ASIC2: variants seen among roughly 807,000 people sequenced by gnomAD.
ASIC2 encodes the protein acid sensing ion channel subunit 2.
A neutral mutation model predicts 57.3 loss-of-function variants in ASIC2; 25 were observed. That is an observed-to-expected ratio of 0.44 (90% CI 0.32 to 0.61). The LOEUF is 0.61. Ranked by LOEUF, ASIC2 falls within the 20% of genes least tolerant of loss-of-function variation. ASIC2 has a pLI of 0.06. For missense variants in ASIC2, 641 were observed against 738.1 expected, an observed-to-expected ratio of 0.87 and a Z score of 1.52; for synonymous variants, 319 against 307.5, an observed-to-expected ratio of 1.04 and a Z score of -0.39.
intron 1 of ASIC2, among the ~76,000 whole-genome samples, chr17:33,723,509 A>T (rs907858720): frequency 1.7e-4 from 26 of 151,958 alleles, no homozygotes; most frequent in Non-Finnish European, 3.1e-4. Flanking sequence ...TTGCATTTCT[A>T]TTAGAGATAT....
chr17:33,580,493 C>T (rs1904397634), intron 1 of ASIC2, among the ~76,000 whole-genome samples: 1 of 151,968 alleles, frequency 6.6e-6, no homozygotes, highest in African/African-American at 2.4e-5. Flanking sequence ...GTCCCCAGGG[C>T]CCACACTAGG....
intron 1 of ASIC2, among the ~76,000 whole-genome samples, chr17:33,939,387 G>A (rs1056726877): frequency 6.6e-6 from 1 of 152,188 alleles, no homozygotes; most frequent in African/African-American, 2.4e-5. Flanking sequence ...TCTAGGCCTG[G>A]TGATTTTTCT....
At position 33,576,499 on chromosome 17, in the gene ASIC2, G is replaced by T. The variant is rs187978755; in HGVS notation, c.556-464432C>A. 3.0e-3 allele frequency among the ~76,000 whole-genome samples: 452 copies of T among 152,294 alleles called. 1 individual carries two copies. Among genetic ancestry groups the T allele is most frequent in the African/African-American group, 9.6e-3 (397 of 41,560 alleles). ...TTCTTAATTTATGGCAGAAAAATCA[G>T]AACAGCATAGATAGTACAAGTTCTA... On this transcript the variant is annotated intron_variant, in intron 1 of 9. Transcript: ENST00000359872.
chr17:33,958,265 G>C (rs1402163058), intron 1 of ASIC2, among the ~76,000 whole-genome samples: 1 of 152,158 alleles, frequency 6.6e-6, no homozygotes, highest in Non-Finnish European at 1.5e-5. Context: ...GGGGTCTGGG[G>C]TCTGGAGGAT....
At chr17:33,311,751 C>T (rs1302921448) in intron 1 of ASIC2, among the ~76,000 whole-genome samples, 1 of 152,168 alleles carries the variant, frequency 6.6e-6, no homozygotes, top group African/African-American at 2.4e-5. Context: ...GAGACTCTTC[C>T]TTGCCATCAG....
chr17:33,943,925 G>A (rs758630289), intron 1 of ASIC2, among the ~76,000 whole-genome samples: 2 of 152,000 alleles, frequency 1.3e-5, no homozygotes, highest in Non-Finnish European at 2.9e-5. Context: ...GGAGTGTTTT[G>A]TTTCCTTGTA....
At chr17:33,157,488 C>G (rs751992175) in intron 1 of ASIC2, among the ~76,000 whole-genome samples, 1 of 152,162 alleles carries the variant, frequency 6.6e-6, no homozygotes, top group Non-Finnish European at 1.5e-5. Flanking sequence ...GTACATGTGG[C>G]CTTCCTTACA....
At chr17:33,437,931 T>G (rs1911684277) in intron 1 of ASIC2, among the ~76,000 whole-genome samples, 1 of 152,180 alleles carries the variant, frequency 6.6e-6, no homozygotes, top group Non-Finnish European at 1.5e-5. Flanking sequence ...TAGGTTGAAG[T>G]CATGAGAGTA....
chr17:33,668,738 G>A (rs563287195), intron 1 of ASIC2, among the ~76,000 whole-genome samples: 1 of 152,322 alleles, frequency 6.6e-6, no homozygotes, highest in Admixed American at 6.5e-5. Flanking sequence ...CAGTGCCTAT[G>A]TCAGAGATGG....
chr17:33,575,743 A>G (rs1273012952), intron 1 of ASIC2, among the ~76,000 whole-genome samples: 5 of 152,166 alleles, frequency 3.3e-5, no homozygotes, highest in Non-Finnish European at 5.9e-5. Flanking sequence ...GAAACAAGTG[A>G]GTCAAGCTGC....
chr17:34,038,602 A>T (rs2142043479), intron 1 of ASIC2: 1 of 1,602,586 alleles, frequency 6.2e-7, no homozygotes, highest in Non-Finnish European at 8.5e-7. Flanking sequence ...AATTATCTTC[A>T]TTATGTATCC....
intron 1 of ASIC2, among the ~76,000 whole-genome samples, chr17:33,741,974 G>C (rs1910126428): frequency 6.6e-6 from 1 of 152,216 alleles, no homozygotes; most frequent in Non-Finnish European, 1.5e-5. Context: ...CCTACCATGA[G>C]GAAAGGCCAG....
At chr17:33,197,909 C>T (rs1235338667) in intron 1 of ASIC2, among the ~76,000 whole-genome samples, 1 of 152,138 alleles carries the variant, frequency 6.6e-6, no homozygotes, top group Non-Finnish European at 1.5e-5. Flanking sequence ...TCAAAACTTG[C>T]AAATATTTAG....
intron 1 of ASIC2, chr17:33,565,711 A>G (rs927467351): frequency 6.6e-6 from 1 of 152,216 alleles, no homozygotes; most frequent in African/African-American, 2.4e-5. Context: ...GAGAGAGGGA[A>G]AAGAGTCTGT....
At position 33,178,326 on chromosome 17, in the gene ASIC2, G is replaced by A. The variant is rs537216178; in HGVS notation, c.709-66259C>T. 3.8e-4 allele frequency among the ~76,000 whole-genome samples: 58 copies of A among 152,192 alleles called. 2 individuals carry two copies. The South Asian group carries it at 0.012, about 31-fold the overall frequency. On this transcript the variant is annotated intron_variant, in intron 1 of 9. Coordinates refer to ENST00000225823, the MANE Select transcript of ASIC2 (RefSeq NM_183377.2). Reference sequence around the variant, plus strand: ...ACTGTCATACAAAAAAAAATCCCTGGTTTAGATAGAGAGACAGACATGTAA... The same window carrying A: ...ACTGTCATACAAAAAAAAATCCCTGATTTAGATAGAGAGACAGACATGTAA...
chr17:33,932,749 T>TAA (rs1915970314), intron 1 of ASIC2: 1 of 126,964 alleles, frequency 7.9e-6, no homozygotes, highest in African/African-American at 3.0e-5. Flanking sequence ...AAAATATATA[T>TAA]ATATATATAT....
At chr17:33,399,018 G>T (rs192950449) in intron 1 of ASIC2, among the ~76,000 whole-genome samples, 1 of 152,184 alleles carries the variant, frequency 6.6e-6, no homozygotes, top group Admixed American at 6.5e-5. Context: ...CTGCCATTTT[G>T]TGGTGGCCAT....
intron 1 of ASIC2, among the ~76,000 whole-genome samples, chr17:33,190,785 G>A (rs1399037821): frequency 1.3e-5 from 2 of 152,128 alleles, no homozygotes; most frequent in Admixed American, 6.6e-5. Context: ...ACTACACTAA[G>A]CACCATTATA....
intron 1 of ASIC2, among the ~76,000 whole-genome samples, chr17:33,379,603 C>G (rs566085552): frequency 3.3e-5 from 5 of 152,200 alleles, no homozygotes; most frequent in Non-Finnish European, 7.3e-5. Context: ...TTGTGCTGAT[C>G]CTTTAGGGAG....
Sources: allele counts gnomAD v4.1 joint callset (sites outside exome capture counted in the v4.1 genomes callset), GRCh38; gene constraint gnomAD v4.1.1; transcripts MANE v1.5; gene names NCBI Gene and HGNC (gene_info 2026-07-23, HGNC 2026-07-21).